Variants in ARPC2 observed in about 807,000 individuals in gnomAD.
The protein encoded by ARPC2 is actin-related protein 2/3 complex subunit 2.
Under a neutral mutation model 38.6 loss-of-function variants are expected in ARPC2, and 4 were observed. The ratio of observed to expected loss-of-function variants is 0.10; its 90% CI spans 0.05 to 0.24. The LOEUF (loss-of-function observed/expected upper bound fraction) is 0.24, where lower values mean the gene tolerates loss of function less well. ARPC2 is among the 10% of genes least tolerant of loss of function. The pLI is 1.00. For synonymous variants in ARPC2, 125 were observed against 140.8 expected (o/e 0.89, Z 0.79); for missense variants, 229 against 387.3 (o/e 0.59, Z 3.43).
In ARPC2 at chr2:218,219,891, A is replaced by G. The variant is rs912390033; in HGVS notation, c.74+2347A>G. Among the ~76,000 whole-genome samples, 7 of 152,280 alleles carry G rather than the reference A, an allele frequency of 4.6e-5. No homozygotes were observed. The East Asian group carries it at 1.3e-3, about 29-fold the overall frequency. ...GCCTGGTAGGCAGGGCTCTCCTGGGATTACAGATGTATCACCCAGTAGAAG... is the reference window on the plus strand; with the variant it reads ...GCCTGGTAGGCAGGGCTCTCCTGGGGTTACAGATGTATCACCCAGTAGAAG... On this transcript the variant is annotated intron_variant, in intron 2 of 10. Transcript: ENST00000315717.
chr2:218,225,788 CTGAT>C, intron 2 of ARPC2, 128 bp from the exon 3 acceptor site: 1 of 753,856 alleles, frequency 1.3e-6, no homozygotes, highest in Non-Finnish European at 2.3e-6. Context: ...ATTGTGTACT[CTGAT>C]TGGCAGTAAC....
Position 218,249,246 on chromosome 2 carries a change from G to A in ARPC2, c.677-118G>A, listed in dbSNP as rs1305388887. 3.4e-5 allele frequency: 23 copies of A among 671,106 alleles called. No homozygotes were observed. In the South Asian group the frequency reaches 4.2e-4, roughly 12 times the overall value. The allele number at this position is 671,106 out of a possible 1,614,324, so 41.6% of individuals were successfully genotyped here. ...AACCCTGACAAAGCCTGGTAATACT[G>A]ACACAAGTGGAGTGTACTTAAGCAG... On this transcript the variant is annotated intron_variant, in intron 8 of 10. Coordinates refer to ENST00000315717, the MANE Select transcript of ARPC2 (RefSeq NM_152862.3).
At chr2:218,234,647 TCTTA>T (rs1429388261) in intron 5 of ARPC2, 11 of 530,512 alleles carry the variant, frequency 2.1e-5, no homozygotes, top group Middle Eastern at 1.0e-3. Context: ...GCCACATGAC[TCTTA>T]CTTAATCTTT....
chr2:218,231,978 G>A (rs925310650), intron 4 of ARPC2, among the ~76,000 whole-genome samples: 3 of 151,994 alleles, frequency 2.0e-5, no homozygotes, highest in Admixed American at 1.3e-4. Context: ...AGTGGCTCAC[G>A]CCTGTAATCC....
chr2:218,224,376 T>C (rs1213219632), intron 2 of ARPC2, among the ~76,000 whole-genome samples: 1 of 152,174 alleles, frequency 6.6e-6, no homozygotes, highest in East Asian at 1.9e-4. Context: ...TTTTATAAAC[T>C]CCCTGACTCT....
rs184851756 is a variant in ARPC2 at position 218,247,506 on chromosome 2, C to T, written c.677-1858C>T. ...TTCTTTTTTCTTTCTCTCTGTCACC[C>T]AGGCTGGAGTGCAGTGGTGTGATCT... On this transcript the variant is annotated intron_variant, in intron 8 of 10. Transcript: ENST00000315717. Among the ~76,000 whole-genome samples, 23 of 152,274 alleles carry T rather than the reference C, an allele frequency of 1.5e-4. No individual in the cohort carries two copies. The East Asian group carries it at 4.1e-3, about 27-fold the overall frequency.
At chr2:218,221,952 G>A (rs1230898576) in intron 2 of ARPC2, among the ~76,000 whole-genome samples, 1 of 152,194 alleles carries the variant, frequency 6.6e-6, no homozygotes, top group Non-Finnish European at 1.5e-5. Flanking sequence ...GGGATAAGTA[G>A]GAGAGAGACA....
At chr2:218,253,778 C>T in intron 10 of ARPC2, 113 bp from the exon 11 acceptor site, 1 of 1,343,326 alleles carries the variant, frequency 7.4e-7, no homozygotes, top group Non-Finnish European at 1.0e-6. Context: ...AGGAATCTAG[C>T]CCTTTCCACC....
intron 5 of ARPC2, among the ~76,000 whole-genome samples, chr2:218,237,769 G>A (rs1320943142): frequency 6.6e-6 from 1 of 150,430 alleles, no homozygotes; most frequent in South Asian, 2.1e-4. Flanking sequence ...GTTTTGCCAT[G>A]TTGGCCAGAC....
chr2:218,248,100 G>GT (rs1348963082), intron 8 of ARPC2, among the ~76,000 whole-genome samples: 1 of 152,040 alleles, frequency 6.6e-6, no homozygotes, highest in African/African-American at 2.4e-5. Context: ...TTTTTTTCAA[G>GT]TTTTTGTCTT....
intron 10 of ARPC2, 150 bp from the exon 11 acceptor site, chr2:218,253,741 G>T (rs1202551486): frequency 7.4e-6 from 7 of 944,016 alleles, no homozygotes; most frequent in Non-Finnish European, 7.8e-6. Flanking sequence ...TTTAGCCGAT[G>T]TCCTGTGGTT....
intron 3 of ARPC2, among the ~76,000 whole-genome samples, 167 bp downstream of exon 3, chr2:218,226,121 C>A (rs905105348): frequency 6.6e-6 from 1 of 151,548 alleles, no homozygotes; most frequent in Non-Finnish European, 1.5e-5. Flanking sequence ...ATGGTGAAAC[C>A]CCCTCTACTA....
In ARPC2 at chr2:218,254,319, G is replaced by A. The variant is rs965037465; in HGVS notation, c.*404G>A. ...CTGTATCTAAAGAAATACGGTTGGG[G>A]TCATTAATAAAGAAAATCTTTCTAT... On this transcript the variant is annotated 3_prime_UTR_variant, in exon 11 of 11. Transcript: ENST00000315717. 2.3e-5 allele frequency: 4 copies of A among 173,282 alleles called. No homozygotes were observed. The highest frequency in any genetic ancestry group is 5.0e-5 in the Non-Finnish European group (4 of 80,526). The allele number at this position is 173,282 out of a possible 1,614,324, so 10.7% of individuals were successfully genotyped here. A position where few individuals can be genotyped will look rare whatever the true frequency, so the allele number is the denominator to read the frequency against.
At chr2:218,252,895 C>T (rs1403506119) in intron 10 of ARPC2, 1 of 456,488 alleles carries the variant, frequency 2.2e-6, no homozygotes, top group Non-Finnish European at 4.4e-6. Flanking sequence ...GTTCATAAGC[C>T]TCCTCTCTGG....
At position 218,238,792 on chromosome 2, in the gene ARPC2, G is replaced by C; in HGVS notation, c.397G>C (p.Glu133Gln). The change falls in exon 6 of 11, where the codon GAA (glutamate) becomes CAA (glutamine). Residue 133 changes from glutamate to glutamine, a missense_variant. Physicochemically the swap from Glu to Gln is conservative, Grantham distance 29. Transcript: ENST00000315717. ...SVFEKYFQFQ[E>Q]EGKEGENRAV... is the part of the protein sequence containing the mutation. ...CTTTGAAAAATACTTCCAATTCCAA[G>C]AAGAGGGCAAGGAAGGAGAGAACAG... 6.2e-7 allele frequency: 1 copy of C among 1,613,914 alleles called. No homozygotes were observed. The highest frequency in any genetic ancestry group is 1.1e-5 in the South Asian group (1 of 91,070).
intron 2 of ARPC2, among the ~76,000 whole-genome samples, chr2:218,219,191 C>T (rs1689327720): frequency 6.6e-6 from 1 of 152,180 alleles, no homozygotes; most frequent in African/African-American, 2.4e-5. Flanking sequence ...AGTACATTCT[C>T]ATCTATTTGT....
intron 4 of ARPC2, chr2:218,233,725 T>C (rs572649257): frequency 8.5e-5 from 13 of 152,180 alleles, no homozygotes; most frequent in African/African-American, 2.7e-4. Flanking sequence ...CTTAGGTTGA[T>C]AACTAACAAT....
intron 3 of ARPC2, among the ~76,000 whole-genome samples, chr2:218,227,593 A>ATT (rs113665206): frequency 7.6e-6 from 1 of 132,316 alleles, no homozygotes. Flanking sequence ...CACCCGGCTA[A>ATT]TTTTTTTTTT....
At chr2:218,217,335 C>T in intron 1 of ARPC2, 81 bp downstream of exon 1, 1 of 754,868 alleles carries the variant, frequency 1.3e-6, no homozygotes, top group South Asian at 1.6e-5. Context: ...CACCCCGGCC[C>T]CTCTCCCCTT....
Sources: allele counts gnomAD v4.1 joint callset (sites outside exome capture counted in the v4.1 genomes callset), GRCh38; gene constraint gnomAD v4.1.1; transcripts MANE v1.5; gene names NCBI Gene and HGNC (gene_info 2026-07-23, HGNC 2026-07-21).